The following VSTM2L variants were observed in gnomAD, a reference collection of about 807,000 sequenced individuals.
VSTM2L encodes the protein V-set and transmembrane domain-containing protein 2-like protein.
VSTM2L carries 9 observed loss-of-function variants against 19.9 expected under a neutral mutation model. The ratio of observed to expected loss-of-function variants is 0.45; its 90% confidence interval spans 0.27 to 0.79. The LOEUF is 0.79. Ranked by LOEUF, VSTM2L falls within the 30% of genes least tolerant of loss-of-function variation. The probability of loss-of-function intolerance (pLI) is 0.15; values close to 1 mark genes in which losing one functional copy is unlikely to be tolerated. For missense variants in VSTM2L, 286 were observed against 295.5 expected (o/e 0.97, Z 0.24); for synonymous variants, 127 against 133.8 (o/e 0.95, Z 0.35).
chr20:37,931,876 C>A, intron 2 of VSTM2L, 72 bp downstream of exon 2: 1 of 1,482,700 alleles, frequency 6.7e-7, no homozygotes, highest in Non-Finnish European at 9.1e-7. Context: ...TATTTCTCTG[C>A]CCCTCTTCTC....
Position 37,943,992 on chromosome 20 carries a change from G to A in VSTM2L, c.354G>A (p.Val118=). ...TCTGTCACCCCCAGGTGGTCAAGGT[G>A]GTGGGCAGCAACATCTCCCACAAGC... ...KEATKISVVK[V]VGSNISHKLR... The change falls in exon 4 of 4, where the codon GTG becomes GTA. Residue 118 remains valine, a synonymous_variant. Transcript: ENST00000373461. 6.3e-7 allele frequency: 1 copy of A among 1,577,736 alleles called. No homozygotes were observed. Among genetic ancestry groups the A allele is most frequent in the Non-Finnish European group, 8.7e-7 (1 of 1,155,650 alleles).
intron 3 of VSTM2L, among the ~76,000 whole-genome samples, chr20:37,942,221 C>A (rs2072976434): frequency 6.6e-6 from 1 of 152,210 alleles, no homozygotes; most frequent in Non-Finnish European, 1.5e-5. Context: ...GTGGCTTACA[C>A]CTATAATCCT....
At chr20:37,935,806 C>T in intron 3 of VSTM2L, among the ~76,000 whole-genome samples, 1 of 152,004 alleles carries the variant, frequency 6.6e-6, no homozygotes, top group Non-Finnish European at 1.5e-5. Context: ...GTAGTAGGTA[C>T]CCAATAAATA....
intron 1 of VSTM2L, among the ~76,000 whole-genome samples, chr20:37,926,497 C>A (rs554127757): frequency 6.6e-6 from 1 of 152,276 alleles, no homozygotes; most frequent in South Asian, 2.1e-4. Context: ...GAGCCGAGAT[C>A]ATGCCAGCAC....
chr20:37,903,524 C>G (rs2072733675), intron 1 of VSTM2L, 53 bp downstream of exon 1: 23 of 1,394,462 alleles, frequency 1.6e-5, no homozygotes, highest in Non-Finnish European at 2.1e-5. Context: ...CAACCCGGGC[C>G]GCGCCACTCC....
intron 1 of VSTM2L, 114 bp from the exon 2 acceptor site, chr20:37,931,521 C>T: frequency 1.7e-6 from 2 of 1,182,102 alleles, no homozygotes; most frequent in South Asian, 1.4e-5. Context: ...ACCCCACCCC[C>T]TCCACCCATC....
chr20:37,914,409 G>GGGGGA (rs1600562606), intron 1 of VSTM2L, among the ~76,000 whole-genome samples: 2 of 150,290 alleles, frequency 1.3e-5, no homozygotes, highest in East Asian at 1.9e-4. Context: ...TGTATGTGTG[G>GGGGGA]GTATGTCTGT....
chr20:37,932,995 T>A (rs545263251), intron 2 of VSTM2L, among the ~76,000 whole-genome samples: 1 of 152,262 alleles, frequency 6.6e-6, no homozygotes, highest in South Asian at 2.1e-4. Flanking sequence ...CTTCCAGCCC[T>A]GCCACATGCA....
chr20:37,914,376 G>GTATGT (rs2072800690), intron 1 of VSTM2L, among the ~76,000 whole-genome samples: 11 of 149,964 alleles, frequency 7.3e-5, no homozygotes, highest in East Asian at 2.0e-4. Flanking sequence ...ATATGTGTGT[G>GTATGT]GGTGTATGTG....
Position 37,919,052 on chromosome 20 carries a change from GCTCCCTGAGGGCAGGGGC to G in VSTM2L, c.122-12580_122-12563del, listed in dbSNP as rs2072835845. The stretch of plus-strand genomic sequence containing the variant: ...TGTGTGTCTCTCCTGGGGACTGCAG[GCTCCCTGAGGGCAGGGGC>G]CTGATCTGTGGCATCCTGGGAAGCC... On this transcript the variant is annotated intron_variant, in intron 1 of 3. Transcript: ENST00000373461. Among the ~76,000 whole-genome samples, 4 of 152,306 alleles carry G rather than the reference GCTCCCTGAGGGCAGGGGC, an allele frequency of 2.6e-5. No individual in the cohort carries two copies. In the South Asian group the frequency reaches 8.3e-4, roughly 32 times the overall value.
At chr20:37,904,648 G>T (rs971635789) in intron 1 of VSTM2L, among the ~76,000 whole-genome samples, 2 of 152,234 alleles carry the variant, frequency 1.3e-5, no homozygotes, top group Admixed American at 6.5e-5. Context: ...CCCCAGTGCT[G>T]GGCACTGTGG....
rs549970615 is a variant in VSTM2L, at chr20:37,927,482, G to C, written c.122-4153G>C. On this transcript the variant is annotated intron_variant, in intron 1 of 3. Transcript: ENST00000373461. ...GATGGCCACTTCTGGTGTCCCGGTG[G>C]AGAAGTGGCCGTGTGGCGGGGTCCT... Among the ~76,000 whole-genome samples, 62 of 152,336 alleles carry C rather than the reference G, an allele frequency of 4.1e-4. 1 individual carries two copies. In the East Asian group the frequency reaches 0.012, roughly 29 times the overall value.
At position 37,944,125 on chromosome 20, in the gene VSTM2L, G is replaced by A. The variant is rs774509676; in HGVS notation, c.487G>A (p.Val163Met). Residue 163 changes from valine to methionine, a missense_variant, in exon 4 of 4, where the codon GTG (valine) becomes ATG (methionine). Coordinates refer to ENST00000373461, the MANE Select transcript of VSTM2L (RefSeq NM_080607.3). ...RHHKVKAYLR[V>M]QPGENSVLHL... ...CCACAAGGTCAAGGCCTACCTGCGG[G>A]TGCAGCCAGGGGAGAACTCCGTCCT... 4 of 1,611,258 alleles carry A rather than the reference G, an allele frequency of 2.5e-6. No individual in the cohort carries two copies. Among genetic ancestry groups the A allele is most frequent in the Admixed American group, 3.3e-5 (2 of 59,816 alleles).
At chr20:37,923,282 G>A (rs539432628) in intron 1 of VSTM2L, among the ~76,000 whole-genome samples, 4 of 152,024 alleles carry the variant, frequency 2.6e-5, no homozygotes, top group South Asian at 2.1e-4. Context: ...GGTCTCAAAC[G>A]GCAGGCCAGG....
At chr20:37,941,346 G>A (rs2072970606) in intron 3 of VSTM2L, among the ~76,000 whole-genome samples, 1 of 152,200 alleles carries the variant, frequency 6.6e-6, no homozygotes, top group Admixed American at 6.5e-5. Context: ...TGGGAACCAG[G>A]CAGGTGAAGA....
chr20:37,925,325 G>A (rs897627456), intron 1 of VSTM2L, among the ~76,000 whole-genome samples: 1 of 152,082 alleles, frequency 6.6e-6, no homozygotes, highest in Non-Finnish European at 1.5e-5. Context: ...TCCTTCTGAT[G>A]ATCTGAGCTG....
intron 1 of VSTM2L, among the ~76,000 whole-genome samples, chr20:37,915,297 C>T (rs1419831391): frequency 6.6e-6 from 1 of 152,182 alleles, no homozygotes; most frequent in African/African-American, 2.4e-5. Flanking sequence ...CTGCTGCCTT[C>T]TTGCTCTGTG....
Position 37,903,349 on chromosome 20 carries a change from C to A in VSTM2L, c.-2C>A. ...GCGGCGCCCCCGGCCCGAGAGCGCACGATGGGGGCCCCGCTCGCCGTAGCG... is the reference window on the plus strand; with the variant it reads ...GCGGCGCCCCCGGCCCGAGAGCGCAAGATGGGGGCCCCGCTCGCCGTAGCG... On this transcript the variant is annotated 5_prime_UTR_variant, in exon 1 of 4. Transcript: ENST00000373461. The A allele has an allele frequency of 2.1e-6, 3 of 1,460,904 alleles. No individual in the cohort carries two copies. Among genetic ancestry groups the A allele is most frequent in the Non-Finnish European group, 1.8e-6 (2 of 1,112,596 alleles). The allele number at this position is 1,460,904 out of a possible 1,614,324, so 90.5% of individuals were successfully genotyped here. A position where few individuals can be genotyped will look rare whatever the true frequency, so the allele number is the denominator to read the frequency against.
intron 1 of VSTM2L, among the ~76,000 whole-genome samples, chr20:37,907,108 A>T (rs752797302): frequency 2.0e-5 from 3 of 152,034 alleles, no homozygotes; most frequent in East Asian, 1.9e-4. Flanking sequence ...TTTTATTATT[A>T]TTTTTTAATT....
Sources: allele counts gnomAD v4.1 joint callset (sites outside exome capture counted in the v4.1 genomes callset), GRCh38; gene constraint gnomAD v4.1.1; transcripts MANE v1.5; gene names NCBI Gene and HGNC (gene_info 2026-07-23, HGNC 2026-07-21).